METTL17: variants seen among roughly 807,000 people sequenced by gnomAD.
METTL17 encodes the protein ribosome assembly protein METTL17, mitochondrial.
Under a neutral mutation model 59.4 loss-of-function variants are expected in METTL17, and 49 were observed. The observed-to-expected ratio is 0.82, with a 90% CI of 0.66 to 1.05. The LOEUF (loss-of-function observed/expected upper bound fraction) is 1.05, where lower values mean the gene tolerates loss of function less well. Ranked by LOEUF, METTL17 falls within the 50% of genes least tolerant of loss-of-function variation. The pLI is 0.00. For missense variants in METTL17, 555 were observed against 578.4 expected (o/e 0.96, Z 0.41); for synonymous variants, 208 against 209.2 (o/e 0.99, Z 0.05).
At chr14:20,996,085 C>T (rs1880354239) in intron 11 of METTL17, 124 bp from the exon 12 acceptor site, 3 of 1,261,646 alleles carry the variant, frequency 2.4e-6, no homozygotes, top group Non-Finnish European at 3.5e-6. Flanking sequence ...ATTCCCCTGG[C>T]TCTTCCTACC....
Position 20,994,055 on chromosome 14 carries a change from T to C in METTL17, c.689T>C (p.Leu230Pro). Residue 230 changes from leucine (L) to proline (P), a missense_variant, in exon 7 of 14, where the codon CTA (leucine) becomes CCA (proline). By Grantham distance (98) the Leu-to-Pro change is moderately conservative. Transcript: ENST00000339374. ...GCCATGTTGGTTTTGGCAGAAAAACTACTGAAAGGTGAGTGCAAGAGCACT... is the reference window on the plus strand; with the variant it reads ...GCCATGTTGGTTTTGGCAGAAAAACCACTGAAAGGTGAGTGCAAGAGCACT... ...SAAMLVLAEK[L>P]LKGGSESGEP... The C allele has an allele frequency of 6.2e-7, 1 of 1,613,320 alleles. No homozygotes were observed. Among genetic ancestry groups the C allele is most frequent in the Non-Finnish European group, 8.5e-7 (1 of 1,179,372 alleles).
intron 3 of METTL17, 193 bp from the exon 4 acceptor site, chr14:20,991,931 G>A: frequency 1.8e-6 from 1 of 551,778 alleles, no homozygotes; most frequent in Non-Finnish European, 3.2e-6. Context: ...AATGCTATCT[G>A]ATACAATCTG....
chr14:20,991,004 T>G (rs1880005027), intron 3 of METTL17, among the ~76,000 whole-genome samples: 1 of 152,132 alleles, frequency 6.6e-6, no homozygotes, highest in Non-Finnish European at 1.5e-5. Context: ...CTACTTGTAT[T>G]TTTAGTAGAG....
intron 12 of METTL17, 54 bp from the exon 13 acceptor site, chr14:20,996,473 A>G (rs1880379925): frequency 7.7e-6 from 12 of 1,568,392 alleles, no homozygotes; most frequent in South Asian, 1.2e-5. Context: ...GGACTGTACA[A>G]ACTTTTTTCC....
intron 7 of METTL17, among the ~76,000 whole-genome samples, chr14:20,994,335 G>A (rs1880231095): frequency 6.6e-6 from 1 of 150,668 alleles, no homozygotes; most frequent in Non-Finnish European, 1.5e-5. Flanking sequence ...TACCCAGGCT[G>A]GTCTCAAACT....
chr14:20,996,755 T>C, intron 13 of METTL17, 30 bp from the exon 14 acceptor site: 1 of 1,614,250 alleles, frequency 6.2e-7, no homozygotes, highest in Non-Finnish European at 8.5e-7. Context: ...GGCAGGAAGC[T>C]GCAGCCCACG....
At chr14:20,996,158 T>G in intron 11 of METTL17, 51 bp from the exon 12 acceptor site, 1 of 1,552,352 alleles carries the variant, frequency 6.4e-7, no homozygotes, top group Non-Finnish European at 8.9e-7. Context: ...GTTTTTAAGT[T>G]TTGTGATTGA....
chr14:20,996,863 T>A lies in METTL17; in HGVS notation c.1344T>A (p.Ser448=). Residue 448 remains serine (S), a synonymous_variant, in exon 14 of 14, where the codon TCT becomes TCA. Transcript: ENST00000339374. ...PVLTPSAFPP[S]TAQDPSES is the part of the protein sequence containing the mutation. ...TTACTCCGTCTGCGTTTCCTCCATC[T>A]ACGGCTCAGGATCCCTCTGAGAGTT... 6.2e-7 allele frequency: 1 copy of A among 1,612,572 alleles called. No individual in the cohort carries two copies. Among genetic ancestry groups the A allele is most frequent in the South Asian group, 1.1e-5 (1 of 91,088 alleles).
Position 20,995,232 on chromosome 14 carries a change from A to G in METTL17, c.944A>G (p.Lys315Arg). ...ATGGATGCCAGGGATCTGGTCCTTA[A>G]GGTAAGGCTTCTTCTTCCCTCACTC... ...LLMDARDLVL[K>R]GKEKSPLDPR... Residue 315 changes from lysine to arginine, a missense_variant and splice_region_variant, in exon 10 of 14, where the codon AAG (lysine) becomes AGG (arginine). By Grantham distance (26) the Lys-to-Arg change is conservative. Transcript: ENST00000339374. 1 of 1,613,948 alleles carries G rather than the reference A, an allele frequency of 6.2e-7. No homozygotes were observed. Among genetic ancestry groups the G allele is most frequent in the Non-Finnish European group, 8.5e-7 (1 of 1,179,830 alleles).
chr14:20,995,701 AG>A (rs1162936188), intron 10 of METTL17, 199 bp from the exon 11 acceptor site: 5 of 579,472 alleles, frequency 8.6e-6, no homozygotes, highest in Non-Finnish European at 1.5e-5. Flanking sequence ...CTATGTGCCA[AG>A]TTCTTGCCTT....
At chr14:20,993,924 C>T in intron 6 of METTL17, 45 bp from the exon 7 acceptor site, 1 of 1,485,674 alleles carries the variant, frequency 6.7e-7, no homozygotes, top group Non-Finnish European at 9.4e-7. Flanking sequence ...AGAGATGACT[C>T]TTGGTCATGG....
At position 20,994,717 on chromosome 14, in the gene METTL17, T is replaced by G. The variant is rs1880256183; in HGVS notation, c.769-77T>G. On this transcript the variant is annotated intron_variant, in intron 8 of 13. Coordinates refer to ENST00000339374, the MANE Select transcript of METTL17 (RefSeq NM_022734.3). ...ACTGAGTGTTAGAAGATAAAAGAAATTTAGCGGCTAGGACTTTGTTGTATT... is the reference window on the plus strand; with the variant it reads ...ACTGAGTGTTAGAAGATAAAAGAAAGTTAGCGGCTAGGACTTTGTTGTATT... 3.9e-6 allele frequency: 6 copies of G among 1,532,876 alleles called. No individual in the cohort carries two copies. In the South Asian group the frequency reaches 4.5e-5, roughly 11 times the overall value. The allele number at this position is 1,532,876 out of a possible 1,614,324, so 95.0% of individuals were successfully genotyped here.
intron 3 of METTL17, 38 bp from the exon 4 acceptor site, chr14:20,992,086 C>G: frequency 1.3e-6 from 2 of 1,599,310 alleles, no homozygotes; most frequent in Non-Finnish European, 1.7e-6. Context: ...GCCCTGTTCT[C>G]CCTAGGTCCT....
Position 20,996,923 on chromosome 14 carries a change from T to C in METTL17, c.*33T>C. 1.3e-6 allele frequency: 2 copies of C among 1,579,396 alleles called. No homozygotes were observed. Among genetic ancestry groups the C allele is most frequent in the South Asian group, 1.1e-5 (1 of 88,894 alleles). ...GTGTAACAAGTATTTTCTTCTATCG[T>C]GCCTGCCAGGGCTGAAGCTGCCTGG... On this transcript the variant is annotated 3_prime_UTR_variant, in exon 14 of 14. Coordinates refer to ENST00000339374, the MANE Select transcript of METTL17 (RefSeq NM_022734.3).
Position 20,995,970 on chromosome 14 carries a change from T to C in METTL17, c.996+19T>C, listed in dbSNP as rs554251552. 2 of 1,613,748 alleles carry C rather than the reference T, an allele frequency of 1.2e-6. No homozygotes were observed. Among genetic ancestry groups the C allele is most frequent in the African/African-American group, 2.7e-5 (2 of 75,026 alleles). Reference sequence around the variant, plus strand: ...TGCCCCGGTGAGTATTACTTCTGCCTGTCCCACCACACGGATCTGAACTTA... The same window carrying C: ...TGCCCCGGTGAGTATTACTTCTGCCCGTCCCACCACACGGATCTGAACTTA... On this transcript the variant is annotated intron_variant, in intron 11 of 13. Coordinates refer to ENST00000339374, the MANE Select transcript of METTL17 (RefSeq NM_022734.3).
rs375017047 is a variant in METTL17 at position 20,996,869 on chromosome 14, T to C, written c.1350T>C (p.Ala450=). 3 of 1,610,834 alleles carry C rather than the reference T, an allele frequency of 1.9e-6. No homozygotes were observed. Among genetic ancestry groups the C allele is most frequent in the African/African-American group, 1.3e-5 (1 of 75,028 alleles). The change falls in exon 14 of 14, where the codon GCT becomes GCC. Residue 450 remains alanine, a synonymous_variant. Coordinates refer to ENST00000339374, the MANE Select transcript of METTL17 (RefSeq NM_022734.3). The part of the protein sequence containing the change: ...LTPSAFPPST[A]QDPSES ...CGTCTGCGTTTCCTCCATCTACGGC[T>C]CAGGATCCCTCTGAGAGTTGATGAG...
At chr14:20,992,274 A>G in intron 4 of METTL17, 69 bp downstream of exon 4, 1 of 950,136 alleles carries the variant, frequency 1.1e-6, no homozygotes, top group East Asian at 2.4e-5. Context: ...GGGGGAGTAC[A>G]ATTACACAAT....
chr14:20,990,120 G>A lies in METTL17; in HGVS notation c.75+43G>A, dbSNP rs1444875382. The A allele has an allele frequency of 5.0e-6, 8 of 1,611,978 alleles. No individual in the cohort carries two copies. The South Asian group carries it at 7.7e-5, about 15-fold the overall frequency. On this transcript the variant is annotated intron_variant, in intron 1 of 13. Transcript: ENST00000339374. ...CTGCTGTCGGAGAGACTCTGGATCTGCAGAGACATCTCCGCGCAGAGGAGG... is the reference window on the plus strand; with the variant it reads ...CTGCTGTCGGAGAGACTCTGGATCTACAGAGACATCTCCGCGCAGAGGAGG...
chr14:20,994,439 T>C (rs1460173354), intron 7 of METTL17, 104 bp from the exon 8 acceptor site: 1 of 981,386 alleles, frequency 1.0e-6, no homozygotes, highest in Non-Finnish European at 1.6e-6. Flanking sequence ...CCCTTTTTGA[T>C]ATACACTTTA....
Sources: allele counts gnomAD v4.1 joint callset (sites outside exome capture counted in the v4.1 genomes callset), GRCh38; gene constraint gnomAD v4.1.1; transcripts MANE v1.5; gene names NCBI Gene and HGNC (gene_info 2026-07-23, HGNC 2026-07-21).